Variants in UTS2 observed in about 807,000 individuals in gnomAD.
UTS2 encodes the protein urotensin 2.
A neutral mutation model predicts 12.6 loss-of-function variants in UTS2; 10 were observed. The observed-to-expected ratio is 0.80, with a 90% CI of 0.49 to 1.35. The LOEUF is 1.35. UTS2 is among the 40% of genes most tolerant of loss of function. The pLI is 0.00. For synonymous variants in UTS2, 52 were observed against 50.0 expected (o/e 1.04, Z -0.17); for missense variants, 142 against 143.2 (o/e 0.99, Z 0.04).
the UTS2 span, among the ~76,000 whole-genome samples, chr1:7,905,113 T>A: frequency 1.4e-3 from 214 of 151,600 alleles, no homozygotes; most frequent in Non-Finnish European, 2.4e-3. Flanking sequence ...TGTGAGGGTA[T>A]CTTTTTTTTA....
the UTS2 span, among the ~76,000 whole-genome samples, chr1:7,865,650 A>C: frequency 3.3e-5 from 5 of 152,120 alleles, no homozygotes; most frequent in African/African-American, 1.2e-4. Flanking sequence ...CCTATCTCCA[A>C]ATACAGGCTG....
chr1:7,851,773 A>G (rs912549162), intron 1 of UTS2, among the ~76,000 whole-genome samples: 4 of 152,232 alleles, frequency 2.6e-5, no homozygotes, highest in Non-Finnish European at 5.9e-5. Flanking sequence ...TGCTGATAGG[A>G]AAGCACATTT....
the UTS2 span, among the ~76,000 whole-genome samples, chr1:7,902,627 A>G: frequency 6.6e-6 from 1 of 152,082 alleles, no homozygotes; most frequent in East Asian, 1.9e-4. Context: ...GGGTCTCGCT[A>G]TGTTGGCCAG....
At chr1:7,886,722 C>T in the UTS2 span, among the ~76,000 whole-genome samples, 1 of 152,084 alleles carries the variant, frequency 6.6e-6, no homozygotes, top group Non-Finnish European at 1.5e-5. Flanking sequence ...AGCAACTCTC[C>T]GACTGCTTGT....
the UTS2 span, among the ~76,000 whole-genome samples, chr1:7,882,380 C>A: frequency 1.3e-5 from 2 of 151,994 alleles, no homozygotes; most frequent in African/African-American, 4.8e-5. Flanking sequence ...TATCTATATG[C>A]AGAATAATTA....
chr1:7,863,525 C>T, the UTS2 span, among the ~76,000 whole-genome samples: 3 of 152,124 alleles, frequency 2.0e-5, no homozygotes, highest in South Asian at 2.1e-4. Context: ...CTATGTGTAT[C>T]GGGGTTACTA....
the UTS2 span, among the ~76,000 whole-genome samples, chr1:7,898,476 GT>G: frequency 2.0e-5 from 3 of 150,886 alleles, no homozygotes; most frequent in African/African-American, 2.5e-5. Flanking sequence ...ATAGAGTTTT[GT>G]TTTTTGTTTT....
chr1:7,888,911 T>C, the UTS2 span, among the ~76,000 whole-genome samples: 4 of 152,180 alleles, frequency 2.6e-5, no homozygotes, highest in Non-Finnish European at 2.9e-5. Flanking sequence ...TCCAACCAAC[T>C]ATGGGCTCTT....
upstream of UTS2, chr1:7,853,520 G>C (rs190622380): frequency 1.9e-5 from 29 of 1,508,390 alleles, no homozygotes; most frequent in South Asian, 3.7e-4. Flanking sequence ...GGATTAAAAC[G>C]TAAAACCAGC....
At chr1:7,902,988 T>TCTCCCTCCCTCC in the UTS2 span, among the ~76,000 whole-genome samples, 2 of 135,890 alleles carry the variant, frequency 1.5e-5, 1 homozygote, top group African/African-American at 7.3e-5. Flanking sequence ...GTCTGGCTTT[T>TCTCCCTCCCTCC]CTCCCTCCCT....
chr1:7,904,968 A>C, the UTS2 span, among the ~76,000 whole-genome samples: 1 of 151,422 alleles, frequency 6.6e-6, no homozygotes, highest in South Asian at 2.1e-4. Context: ...TAGTGAATAC[A>C]TGCATATCCA....
At chr1:7,874,122 C>T in the UTS2 span, among the ~76,000 whole-genome samples, 2 of 152,114 alleles carry the variant, frequency 1.3e-5, no homozygotes, top group African/African-American at 2.4e-5. Context: ...TGATGTGAAG[C>T]AGCCGGCCCA....
chr1:7,853,131 A>C (rs2097415920), upstream of UTS2: 1 of 1,483,246 alleles, frequency 6.7e-7, no homozygotes, highest in Non-Finnish European at 8.9e-7. Flanking sequence ...CTCCAAAAAA[A>C]AAAAAAAAAT....
the UTS2 span, among the ~76,000 whole-genome samples, chr1:7,882,097 G>A: frequency 6.6e-6 from 1 of 152,238 alleles, no homozygotes; most frequent in East Asian, 1.9e-4. Flanking sequence ...CACTTTGGGA[G>A]GCCAAGGTGG....
chr1:7,853,107 C>T, upstream of UTS2: 2 of 1,490,044 alleles, frequency 1.3e-6, no homozygotes, highest in Non-Finnish European at 1.8e-6. Flanking sequence ...CATCCTATGA[C>T]CTGACATCAT....
At chr1:7,867,567 A>G in the UTS2 span, among the ~76,000 whole-genome samples, 4 of 152,326 alleles carry the variant, frequency 2.6e-5, no homozygotes, top group Non-Finnish European at 5.9e-5. Flanking sequence ...TCCTGCTGAC[A>G]TGTTGATCTT....
chr1:7,872,054 C>A, the UTS2 span, among the ~76,000 whole-genome samples: 6 of 151,966 alleles, frequency 3.9e-5, no homozygotes, highest in Non-Finnish European at 8.8e-5. Context: ...GTAATCCCAG[C>A]ACTTTGGGAG....
the UTS2 span, among the ~76,000 whole-genome samples, chr1:7,868,131 CA>C: frequency 0.89 from 135,792 of 151,938 alleles, 60,843 homozygotes; most frequent in East Asian, 0.96. Flanking sequence ...GGCACATCAC[CA>C]AAAAAAAAGG....
At chr1:7,864,857 G>A in the UTS2 span, among the ~76,000 whole-genome samples, 1 of 152,216 alleles carries the variant, frequency 6.6e-6, no homozygotes, top group Non-Finnish European at 1.5e-5. Flanking sequence ...AGAGGGTGAA[G>A]GAGGAGTTTC....
Sources: allele counts gnomAD v4.1 joint callset (sites outside exome capture counted in the v4.1 genomes callset), GRCh38; gene constraint gnomAD v4.1.1; transcripts MANE v1.5; gene names NCBI Gene and HGNC (gene_info 2026-07-23, HGNC 2026-07-21).